Variants in DSCAM observed in about 807,000 individuals in gnomAD.
DSCAM encodes DS cell adhesion molecule.
A neutral mutation model predicts 217.7 loss-of-function variants in DSCAM; 47 were observed. The observed-to-expected ratio is 0.22, with a 90% CI of 0.17 to 0.28. The LOEUF is 0.28. Ranked by LOEUF, DSCAM falls within the 10% of genes least tolerant of loss-of-function variation. The pLI, the probability that DSCAM is intolerant of heterozygous loss-of-function variation, is 1.00. For synonymous variants in DSCAM, 1,056 were observed against 1,015.3 expected (o/e 1.04, Z -0.76); for missense variants, 2,080 against 2,618.3 (o/e 0.79, Z 4.49).
At chr21:40,231,131 T>G (rs1001859165) in intron 11 of DSCAM, among the ~76,000 whole-genome samples, 7 of 151,776 alleles carry the variant, frequency 4.6e-5, no homozygotes, top group Admixed American at 1.3e-4. Flanking sequence ...GAGGTTTTTT[T>G]TTTTTTTTTT....
intron 3 of DSCAM, among the ~76,000 whole-genome samples, chr21:40,479,580 A>C (rs2011867): frequency 0.7 from 106,146 of 152,032 alleles, 37,885 homozygotes; most frequent in African/African-American, 0.86. Flanking sequence ...GGCAAGAGAA[A>C]GTGTGCAGGG....
At chr21:40,430,119 T>C (rs1253558854) in intron 3 of DSCAM, among the ~76,000 whole-genome samples, 1 of 152,212 alleles carries the variant, frequency 6.6e-6, no homozygotes, top group African/African-American at 2.4e-5. Context: ...AATCCAGCAC[T>C]CTGCACATTG....
At chr21:40,041,391 C>T (rs73362106) in intron 32 of DSCAM, among the ~76,000 whole-genome samples, 3,288 of 152,252 alleles carry the variant, frequency 0.022, 116 homozygotes, top group African/African-American at 0.075. Context: ...TTTATTTGCC[C>T]TGTACAATGG....
At chr21:40,805,319 G>A (rs774262611) in intron 1 of DSCAM, among the ~76,000 whole-genome samples, 2 of 152,092 alleles carry the variant, frequency 1.3e-5, no homozygotes, top group Non-Finnish European at 2.9e-5. Flanking sequence ...GGTTCCTTCT[G>A]TTTGTTCATT....
intron 16 of DSCAM, among the ~76,000 whole-genome samples, chr21:40,152,903 G>A (rs1297834945): frequency 6.6e-6 from 1 of 152,254 alleles, no homozygotes; most frequent in African/African-American, 2.4e-5. Flanking sequence ...AATGGCCTCT[G>A]CTGGATGTGC....
chr21:40,195,496 A>C (rs2146843868), intron 11 of DSCAM, among the ~76,000 whole-genome samples: 1 of 152,338 alleles, frequency 6.6e-6, no homozygotes, highest in East Asian at 1.9e-4. Context: ...ACAGGAGTCC[A>C]TCAGGATCTG....
intron 15 of DSCAM, among the ~76,000 whole-genome samples, chr21:40,175,805 A>ACACACACACACACACACG (rs879840957): frequency 8.9e-6 from 1 of 112,638 alleles, no homozygotes; most frequent in African/African-American, 3.3e-5. Flanking sequence ...ACACACACAC[A>ACACACACACACACACACG]CACGCACACA....
chr21:40,497,048 T>A (rs969225677), intron 3 of DSCAM, among the ~76,000 whole-genome samples: 1 of 152,206 alleles, frequency 6.6e-6, no homozygotes, highest in Non-Finnish European at 1.5e-5. Flanking sequence ...GGTGGAAATT[T>A]ACACTGGTAC....
At chr21:40,336,162 G>A (rs1601561728) in intron 8 of DSCAM, among the ~76,000 whole-genome samples, 1 of 152,264 alleles carries the variant, frequency 6.6e-6, no homozygotes, top group South Asian at 2.1e-4. Flanking sequence ...AGCAGAGTAT[G>A]TCTGTGCTTG....
At chr21:40,392,114 G>A (rs1233447347) in intron 3 of DSCAM, among the ~76,000 whole-genome samples, 1 of 152,058 alleles carries the variant, frequency 6.6e-6, no homozygotes, top group Admixed American at 6.6e-5. Flanking sequence ...TCCTCGTCTG[G>A]CATCCAACAC....
chr21:40,733,568 A>T (rs1462054945), intron 1 of DSCAM, among the ~76,000 whole-genome samples: 1 of 152,146 alleles, frequency 6.6e-6, no homozygotes, highest in Admixed American at 6.5e-5. Context: ...CCAAAATGTC[A>T]ATAGGCCGCT....
intron 3 of DSCAM, among the ~76,000 whole-genome samples, chr21:40,438,586 GTTGTTGGACCTATCA>G (rs1304843395): frequency 6.6e-6 from 1 of 152,210 alleles, no homozygotes; most frequent in African/African-American, 2.4e-5. Flanking sequence ...TCAACATTTA[GTTGTTGGACCTATCA>G]TTGCTGGTAA....
At chr21:40,539,171 C>T (rs2076523527) in intron 3 of DSCAM, among the ~76,000 whole-genome samples, 1 of 152,172 alleles carries the variant, frequency 6.6e-6, no homozygotes, top group South Asian at 2.1e-4. Context: ...GATGTCCACA[C>T]CGGGTCCACC....
chr21:40,795,695 A>C (rs541678690), intron 1 of DSCAM, among the ~76,000 whole-genome samples: 53 of 152,356 alleles, frequency 3.5e-4, no homozygotes, highest in South Asian at 2.5e-3. Context: ...TAATCAGGGG[A>C]AATCTAGTGA....
At chr21:40,270,024 C>A (rs1203937838) in intron 11 of DSCAM, among the ~76,000 whole-genome samples, 1 of 152,042 alleles carries the variant, frequency 6.6e-6, no homozygotes, top group Non-Finnish European at 1.5e-5. Context: ...CTATATGGAC[C>A]CTCCTGTTTT....
At position 40,083,902 on chromosome 21, in the gene DSCAM, T is replaced by C. The variant is rs2146568754; in HGVS notation, c.4231+6A>G. ...CAACTATTGTGGACAATCTATATCTTATTACCTCTGATAGAGCTGCCCCCG... is the reference window on the plus strand; with the variant it reads ...CAACTATTGTGGACAATCTATATCTCATTACCTCTGATAGAGCTGCCCCCG... On this transcript the variant is annotated splice_donor_region_variant and intron_variant, in intron 24 of 32. Transcript: ENST00000400454. 6.2e-7 allele frequency: 1 copy of C among 1,606,872 alleles called. No individual in the cohort carries two copies. Among genetic ancestry groups the C allele is most frequent in the African/African-American group, 1.3e-5 (1 of 74,800 alleles).
chr21:40,787,872 A>C (rs1036188180), intron 1 of DSCAM, among the ~76,000 whole-genome samples: 1 of 152,200 alleles, frequency 6.6e-6, no homozygotes, highest in Non-Finnish European at 1.5e-5. Flanking sequence ...CCCCAATTGT[A>C]TACTGAGGAA....
chr21:40,483,397 A>T (rs1398203631), intron 3 of DSCAM, among the ~76,000 whole-genome samples: 2 of 152,212 alleles, frequency 1.3e-5, no homozygotes, highest in Non-Finnish European at 2.9e-5. Flanking sequence ...AGTGAAATCA[A>T]CTTAAACGGG....
chr21:40,813,990 G>A (rs1161865938), intron 1 of DSCAM, among the ~76,000 whole-genome samples: 3 of 152,128 alleles, frequency 2.0e-5, no homozygotes, highest in Non-Finnish European at 4.4e-5. Context: ...TTTATGAGGG[G>A]TATGAGGCAG....
Sources: allele counts gnomAD v4.1 joint callset (sites outside exome capture counted in the v4.1 genomes callset), GRCh38; gene constraint gnomAD v4.1.1; transcripts MANE v1.5; gene names NCBI Gene and HGNC (gene_info 2026-07-23, HGNC 2026-07-21).